Variants in BPTF observed in about 807,000 individuals in gnomAD.
The protein encoded by BPTF is bromodomain PHD finger transcription factor.
In BPTF, 18 loss-of-function variants were observed where a neutral mutation model predicts 292.5. The ratio of observed to expected loss-of-function variants is 0.06; its 90% CI spans 0.04 to 0.09. The LOEUF (loss-of-function observed/expected upper bound fraction) is 0.09. Among genes scored for constraint, BPTF ranks in the 10% least tolerant of loss-of-function variants. The probability of loss-of-function intolerance (pLI) is 1.00; values close to 1 mark genes in which losing one functional copy is unlikely to be tolerated. For missense variants in BPTF, 2,726 were observed against 3,498.7 expected, an observed-to-expected ratio of 0.78 and a Z score of 5.57; for synonymous variants, 1,225 against 1,251.9, an observed-to-expected ratio of 0.98 and a Z score of 0.45.
intron 2 of BPTF, among the ~76,000 whole-genome samples, chr17:67,857,317 T>A (rs1370447384): frequency 1.3e-5 from 2 of 151,680 alleles, no homozygotes; most frequent in Admixed American, 1.3e-4. Flanking sequence ...CCCGCCACCG[T>A]GCCCGGTTAA....
At chr17:67,929,695 T>G (rs1409333056) in intron 17 of BPTF, among the ~76,000 whole-genome samples, 2 of 152,168 alleles carry the variant, frequency 1.3e-5, no homozygotes, top group African/African-American at 4.8e-5. Context: ...AATGACACAT[T>G]AGTATGGTTT....
At chr17:67,953,506 C>G (rs1417593546) in intron 23 of BPTF, among the ~76,000 whole-genome samples, 6 of 151,878 alleles carry the variant, frequency 4.0e-5, no homozygotes, top group Non-Finnish European at 7.4e-5. Context: ...GATCCACCCA[C>G]TGCAGCCTCC....
intron 9 of BPTF, 93 bp from the exon 10 acceptor site, chr17:67,909,489 T>C (rs1399931315): frequency 1.9e-5 from 16 of 828,206 alleles, no homozygotes; most frequent in Non-Finnish European, 2.8e-5. Flanking sequence ...CATAACTTGC[T>C]GGAAATTACT....
chr17:67,905,781 A>G (rs1426756363), intron 9 of BPTF, among the ~76,000 whole-genome samples: 1 of 152,146 alleles, frequency 6.6e-6, no homozygotes, highest in African/African-American at 2.4e-5. Context: ...GCATTGTTGC[A>G]AGTAAGAGAA....
At chr17:67,915,147 G>A (rs1005501490) in intron 11 of BPTF, among the ~76,000 whole-genome samples, 1 of 152,142 alleles carries the variant, frequency 6.6e-6, no homozygotes, top group African/African-American at 2.4e-5. Context: ...TGTTAAGGCT[G>A]AGCAATATTG....
At chr17:67,914,847 G>A (rs1269720314) in intron 11 of BPTF, among the ~76,000 whole-genome samples, 1 of 152,000 alleles carries the variant, frequency 6.6e-6, no homozygotes, top group Admixed American at 6.6e-5. Context: ...TTTTTTAATG[G>A]GAGGAAATAC....
At chr17:67,886,504 G>A (rs2060765073) in intron 4 of BPTF, among the ~76,000 whole-genome samples, 2 of 151,428 alleles carry the variant, frequency 1.3e-5, no homozygotes, top group African/African-American at 4.9e-5. Flanking sequence ...TTTAAACACA[G>A]CACTTGCACT....
chr17:67,958,555 C>T lies in BPTF; in HGVS notation c.7927-986C>T, dbSNP rs1212022015. On this transcript the variant is annotated intron_variant, in intron 23 of 27. Transcript: ENST00000306378. ...CCAGCCTAGCCAACATAATGAAACTCTGTCCCTACTAAAAATACAAAAAAT... is the reference window on the plus strand; with the variant it reads ...CCAGCCTAGCCAACATAATGAAACTTTGTCCCTACTAAAAATACAAAAAAT... 3.3e-5 allele frequency among the ~76,000 whole-genome samples: 5 copies of T among 152,146 alleles called. No individual in the cohort carries two copies. The East Asian group carries it at 9.6e-4, about 29-fold the overall frequency.
intron 1 of BPTF, among the ~76,000 whole-genome samples, chr17:67,832,783 CTTTTTTT>C (rs60751133): frequency 0.014 from 1,375 of 101,636 alleles, 26 homozygotes; most frequent in African/African-American, 0.055. Context: ...TGATTCGCCT[CTTTTTTT>C]TTTTTTTTTT....
At position 67,940,662 on chromosome 17, in the gene BPTF, T is replaced by TA. The variant is rs782685120; in HGVS notation, c.6477+8dup. 1 of 1,608,322 alleles carries TA rather than the reference T, an allele frequency of 6.2e-7. No individual in the cohort carries two copies. The highest frequency in any genetic ancestry group is 1.7e-5 in the Admixed American group (1 of 59,970). On this transcript the variant is annotated splice_region_variant and intron_variant, in intron 19 of 27. Coordinates refer to ENST00000306378, the MANE Select transcript of BPTF (RefSeq NM_182641.4). Reference sequence around the variant, plus strand: ...CTCAGTTAACACAGGGCCACGTAAGTAACATAAGCTTTATTTTAACTTTAG... The same window carrying TA: ...CTCAGTTAACACAGGGCCACGTAAGTAAACATAAGCTTTATTTTAACTTTAG...
At chr17:67,955,888 C>G (rs1327325556) in intron 23 of BPTF, 5 of 152,016 alleles carry the variant, frequency 3.3e-5, no homozygotes, top group Non-Finnish European at 5.9e-5. Context: ...GGCTCATGGC[C>G]TGTAATCCAA....
At chr17:67,870,116 A>G (rs1386534781) in intron 3 of BPTF, among the ~76,000 whole-genome samples, 2 of 152,218 alleles carry the variant, frequency 1.3e-5, no homozygotes, top group East Asian at 3.9e-4. Flanking sequence ...GATGACTAAA[A>G]TTTGTGTGCT....
At chr17:67,981,251 G>T (rs1216723468) in intron 27 of BPTF, among the ~76,000 whole-genome samples, 1 of 152,184 alleles carries the variant, frequency 6.6e-6, no homozygotes, top group Non-Finnish European at 1.5e-5. Flanking sequence ...TTGTTTTCCA[G>T]ATTTAAGGCA....
At chr17:67,875,083 T>C in intron 4 of BPTF, 63 bp downstream of exon 4, 1 of 1,430,902 alleles carries the variant, frequency 7.0e-7, no homozygotes. Context: ...ATCTCCAGTT[T>C]TACTTGCAAA....
At chr17:67,880,665 C>T (rs1486637833) in intron 4 of BPTF, among the ~76,000 whole-genome samples, 1 of 151,950 alleles carries the variant, frequency 6.6e-6, no homozygotes, top group Non-Finnish European at 1.5e-5. Flanking sequence ...AAGACAGGGT[C>T]TTGCTCTGTT....
At chr17:67,841,288 A>G (rs1248770364) in intron 1 of BPTF, among the ~76,000 whole-genome samples, 1 of 152,114 alleles carries the variant, frequency 6.6e-6, no homozygotes, top group Non-Finnish European at 1.5e-5. Context: ...ACATGCCTGT[A>G]ATCCCAGCTA....
intron 1 of BPTF, among the ~76,000 whole-genome samples, chr17:67,851,931 T>A (rs1201104025): frequency 6.7e-6 from 1 of 148,828 alleles, no homozygotes; most frequent in Non-Finnish European, 1.5e-5. Flanking sequence ...TTTTTTTTTT[T>A]AATGCAGGAA....
At chr17:67,921,839 C>T (rs1425805865) in intron 13 of BPTF, among the ~76,000 whole-genome samples, 1 of 152,118 alleles carries the variant, frequency 6.6e-6, no homozygotes, top group Non-Finnish European at 1.5e-5. Flanking sequence ...CAAGACCAGC[C>T]TGGCCAACAT....
At chr17:67,907,805 C>T (rs965137503) in intron 9 of BPTF, among the ~76,000 whole-genome samples, 3 of 152,158 alleles carry the variant, frequency 2.0e-5, no homozygotes, top group African/African-American at 7.2e-5. Flanking sequence ...CATTATCACA[C>T]TCAACAAATT....
Sources: gnomAD v4.1 joint callset for allele counts (sites outside exome capture counted in the v4.1 genomes callset) on GRCh38, gnomAD v4.1.1 for gene constraint, MANE v1.5 for transcripts, NCBI Gene and HGNC (gene_info 2026-07-23, HGNC 2026-07-21) for gene names.